The following NPAT variants were observed in gnomAD, a reference collection of about 807,000 sequenced individuals.
NPAT encodes protein NPAT.
Under a neutral mutation model 130.7 loss-of-function variants are expected in NPAT, and 52 were observed. That is an observed-to-expected ratio of 0.40 (90% confidence interval 0.32 to 0.50). The LOEUF (loss-of-function observed/expected upper bound fraction) is 0.50, where lower values mean the gene tolerates loss of function less well. NPAT is among the 20% of genes least tolerant of loss of function. The probability of loss-of-function intolerance (pLI) is 0.68; values close to 1 mark genes in which losing one functional copy is unlikely to be tolerated. For synonymous variants in NPAT, 580 were observed against 584.8 expected (o/e 0.99, Z 0.12); for missense variants, 1,687 against 1,662.6 (o/e 1.01, Z -0.26).
chr11:108,165,158 C>T (rs945316345), intron 15 of NPAT, among the ~76,000 whole-genome samples: 2 of 152,100 alleles, frequency 1.3e-5, no homozygotes, highest in African/African-American at 4.8e-5. Context: ...ACACAGTCAT[C>T]AAGGTTCTGA....
rs747758794 is a variant in NPAT at position 108,197,332 on chromosome 11, T to A, written c.126A>T (p.Thr42=). Residue 42 remains threonine, a synonymous_variant, in exon 2 of 18, where the codon ACA becomes ACT. Coordinates refer to ENST00000278612, the MANE Select transcript of NPAT (RefSeq NM_002519.3). ...AGCAGGCTGGAATAAACCCTTCATC[T>A]GTACAATGTTCTGCATATTCTTTTA... ...SDLKEYAEHC[T]DEGFIPACLL... is the part of the protein sequence containing the mutation. The A allele has an allele frequency of 1.2e-6, 2 of 1,611,044 alleles. No individual in the cohort carries two copies. The highest frequency in any genetic ancestry group is 4.5e-5 in the East Asian group (2 of 44,820).
chr11:108,200,374 C>T (rs1015553159), intron 1 of NPAT, among the ~76,000 whole-genome samples: 3 of 152,236 alleles, frequency 2.0e-5, no homozygotes, highest in Non-Finnish European at 2.9e-5. Context: ...TTTGTTTACC[C>T]ATGCCTTTTA....
In NPAT at chr11:108,183,345, C is replaced by T. The variant is rs546212800; in HGVS notation, c.906+1887G>A. ...TTGAAAGAAGTACTGGTAGAACTGA[C>T]ATAGAGAAAAACAATTCAAGGGCTC... On this transcript the variant is annotated intron_variant, in intron 10 of 17. Transcript: ENST00000278612. Among the ~76,000 whole-genome samples, 3 of 152,138 alleles carry T rather than the reference C, an allele frequency of 2.0e-5. No individual in the cohort carries two copies. In the South Asian group the frequency reaches 6.2e-4, roughly 32 times the overall value.
chr11:108,213,284 C>T (rs138349858), intron 1 of NPAT, among the ~76,000 whole-genome samples: 16 of 152,156 alleles, frequency 1.1e-4, no homozygotes, highest in Admixed American at 2.6e-4. Flanking sequence ...AAAAACAAAA[C>T]GAAACAAAAC....
intron 5 of NPAT, among the ~76,000 whole-genome samples, chr11:108,189,877 A>AC (rs1442064660): frequency 7.9e-5 from 12 of 151,438 alleles, no homozygotes; most frequent in African/African-American, 2.9e-4. Context: ...CTCAAAAAAA[A>AC]AAAAAAACAA....
rs774233228 is a variant in NPAT at position 108,172,642 on chromosome 11, G to T, written c.2342C>A (p.Thr781Asn). 1 of 1,614,132 alleles carries T rather than the reference G, an allele frequency of 6.2e-7. No individual in the cohort carries two copies. The highest frequency in any genetic ancestry group is 2.2e-5 in the East Asian group (1 of 44,882). The change falls in exon 13 of 18, where the codon ACT becomes AAT. Residue 781 changes from threonine (T) to asparagine (N), a missense_variant. Transcript: ENST00000278612. ...IILSSPTKSP[T>N]KNAELVKCLS... ...GCATTTAACTAGTTCTGCATTTTTA[G>T]TAGGTGATTTAGTAGGAGAAGACAA... is the stretch of plus-strand genomic sequence containing the variant.
At position 108,220,378 on chromosome 11, in the gene NPAT, A is replaced by C. The variant is rs561256467; in HGVS notation, c.37+2122T>G. On this transcript the variant is annotated intron_variant, in intron 1 of 17. Coordinates refer to ENST00000278612, the MANE Select transcript of NPAT (RefSeq NM_002519.3). ...GAACATAAGACAGAATGTTCTGTTTAATGGGTGTCTAATGTCTAGTGGGGT... is the reference window on the plus strand; with the variant it reads ...GAACATAAGACAGAATGTTCTGTTTCATGGGTGTCTAATGTCTAGTGGGGT... Among the ~76,000 whole-genome samples, 18 of 152,314 alleles carry C rather than the reference A, an allele frequency of 1.2e-4. No individual in the cohort carries two copies. In the South Asian group the frequency reaches 3.7e-3, roughly 32 times the overall value.
At chr11:108,170,211 G>A (rs180756196) in intron 13 of NPAT, 168 bp from the exon 14 acceptor site, 14 of 593,934 alleles carry the variant, frequency 2.4e-5, no homozygotes, top group South Asian at 1.5e-4. Context: ...CAAAAAAAAC[G>A]AAACTGAAAC....
intron 3 of NPAT, among the ~76,000 whole-genome samples, chr11:108,192,911 G>A (rs2078184675): frequency 3.3e-5 from 5 of 151,756 alleles, no homozygotes; most frequent in African/African-American, 9.7e-5. Flanking sequence ...CCGAGATCGC[G>A]CCATTGCACT....
intron 10 of NPAT, among the ~76,000 whole-genome samples, chr11:108,183,778 C>A (rs192909432): frequency 6.6e-6 from 1 of 151,732 alleles, no homozygotes; most frequent in African/African-American, 2.4e-5. Flanking sequence ...CTGGGTGACA[C>A]AGCGAGACAC....
At chr11:108,216,028 G>A (rs2078432812) in intron 1 of NPAT, among the ~76,000 whole-genome samples, 1 of 152,116 alleles carries the variant, frequency 6.6e-6, no homozygotes, top group South Asian at 2.1e-4. Flanking sequence ...CTTTCCGACC[G>A]TTATAATATT....
At chr11:108,176,456 G>T in intron 11 of NPAT, 82 bp from the exon 12 acceptor site, 2 of 1,055,684 alleles carry the variant, frequency 1.9e-6, no homozygotes, top group Non-Finnish European at 2.9e-6. Flanking sequence ...TGGTGATTAC[G>T]CAAATGTTAA....
At chr11:108,215,264 G>A (rs2078422609) in intron 1 of NPAT, among the ~76,000 whole-genome samples, 1 of 151,920 alleles carries the variant, frequency 6.6e-6, no homozygotes, top group South Asian at 2.1e-4. Flanking sequence ...TTATCTCAGT[G>A]CTGGCATAAT....
chr11:108,217,256 T>TGG (rs1422797140), intron 1 of NPAT, among the ~76,000 whole-genome samples: 1 of 152,254 alleles, frequency 6.6e-6, no homozygotes, highest in East Asian at 1.9e-4. Context: ...CCTAAGCTGC[T>TGG]GGGATAGGCT....
chr11:108,220,633 A>G (rs1244285431), intron 1 of NPAT, among the ~76,000 whole-genome samples: 1 of 152,338 alleles, frequency 6.6e-6, no homozygotes, highest in South Asian at 2.1e-4. Context: ...TGAGTAAATA[A>G]TAAACCTCAT....
At chr11:108,162,229 AAG>A in intron 15 of NPAT, 49 bp from the exon 16 acceptor site, 1 of 1,481,742 alleles carries the variant, frequency 6.7e-7, no homozygotes, top group Non-Finnish European at 9.4e-7. Context: ...ACTCCTCTGA[AAG>A]AGGATAGAAC....
chr11:108,180,467 T>G (rs2078049150), intron 10 of NPAT, among the ~76,000 whole-genome samples: 1 of 152,180 alleles, frequency 6.6e-6, no homozygotes, highest in African/African-American at 2.4e-5. Context: ...ACATCACTAA[T>G]CATTAGAGAA....
At chr11:108,221,944 T>C (rs1212996674) in intron 1 of NPAT, among the ~76,000 whole-genome samples, 2 of 152,132 alleles carry the variant, frequency 1.3e-5, no homozygotes, top group Non-Finnish European at 2.9e-5. Context: ...TGTTTTAAAA[T>C]ATGCAACTGG....
At chr11:108,165,452 T>TTATATATATATATA (rs10678040) in intron 15 of NPAT, among the ~76,000 whole-genome samples, 2 of 133,918 alleles carry the variant, frequency 1.5e-5, no homozygotes, top group African/African-American at 5.7e-5. Flanking sequence ...ACATATGTAT[T>TTATATATATATATA]TATATATATA....
Sources: gnomAD v4.1 joint callset for allele counts (sites outside exome capture counted in the v4.1 genomes callset) on GRCh38, gnomAD v4.1.1 for gene constraint, MANE v1.5 for transcripts, NCBI Gene and HGNC (gene_info 2026-07-23, HGNC 2026-07-21) for gene names.